Variants in SPTBN1 observed in about 807,000 individuals in gnomAD.
The protein encoded by SPTBN1 is spectrin beta chain, non-erythrocytic 1.
In SPTBN1, 32 loss-of-function variants were observed where a neutral mutation model predicts 266.4. The observed-to-expected ratio is 0.12, with a 90% CI of 0.09 to 0.16. The LOEUF (loss-of-function observed/expected upper bound fraction) is 0.16. Among genes scored for constraint, SPTBN1 ranks in the 10% least tolerant of loss-of-function variants. SPTBN1 has a pLI of 1.00. For synonymous variants in SPTBN1, 1,336 were observed against 1,162.2 expected (o/e 1.15, Z -3.04); for missense variants, 2,296 against 3,067.1 (o/e 0.75, Z 5.94).
At chr2:54,617,522 A>G in intron 5 of SPTBN1, 86 bp from the exon 6 acceptor site, 1 of 1,259,118 alleles carries the variant, frequency 7.9e-7, no homozygotes, top group South Asian at 1.3e-5. Context: ...ATGCTTACAG[A>G]CTTTTTATTA....
chr2:54,583,224 C>G (rs1675067688), intron 2 of SPTBN1, among the ~76,000 whole-genome samples: 1 of 152,180 alleles, frequency 6.6e-6, no homozygotes, highest in South Asian at 2.1e-4. Flanking sequence ...TCCCACAGTG[C>G]TTTGCTTGAT....
In SPTBN1 at chr2:54,628,257, A is replaced by G. The variant is rs753320459; in HGVS notation, c.1798+7A>G. On this transcript the variant is annotated splice_region_variant and intron_variant, in intron 13 of 35. Coordinates refer to ENST00000356805, the MANE Select transcript of SPTBN1 (RefSeq NM_003128.3). This position sits in a 1 kb window ranked among gnomAD's most constrained non-coding sequence, Gnocchi z 4.3. Reference sequence around the variant, plus strand: ...TTCGCAACAGACGGGGAAGGTAAGGATGGCCCATTCCAAGCATTACCTCCG... The same window carrying G: ...TTCGCAACAGACGGGGAAGGTAAGGGTGGCCCATTCCAAGCATTACCTCCG... 2.5e-6 allele frequency: 4 copies of G among 1,609,076 alleles called. No individual in the cohort carries two copies. The highest frequency in any genetic ancestry group is 3.4e-6 in the Non-Finnish European group (4 of 1,177,790).
intron 17 of SPTBN1, among the ~76,000 whole-genome samples, chr2:54,634,858 G>A (rs1005371433): frequency 2.0e-5 from 3 of 152,208 alleles, no homozygotes; most frequent in African/African-American, 7.2e-5. Flanking sequence ...CCTTCAAAGT[G>A]CCTGTGAGTG....
chr2:54,531,004 G>A (rs550529038), intron 2 of SPTBN1, among the ~76,000 whole-genome samples: 1 of 152,206 alleles, frequency 6.6e-6, no homozygotes, highest in African/African-American at 2.4e-5. Flanking sequence ...GGGAGTTGGT[G>A]TAGGTAGGGT....
In SPTBN1 at chr2:54,664,429, G is replaced by T; in HGVS notation, c.6421-24G>T. 1 of 1,600,722 alleles carries T rather than the reference G, an allele frequency of 6.2e-7. No homozygotes were observed. The highest frequency in any genetic ancestry group is 1.1e-5 in the South Asian group (1 of 90,400). On this transcript the variant is annotated intron_variant, in intron 32 of 35. Coordinates refer to ENST00000356805, the MANE Select transcript of SPTBN1 (RefSeq NM_003128.3). This position sits in a 1 kb window ranked among gnomAD's most constrained non-coding sequence, Gnocchi z 5.6. ...ACCCCCATGGCTCACGGAGTTAGCT[G>T]AATGGCCTCTCCGCTGTCCCTAGAT...
chr2:54,650,696 T>C (rs891186145), intron 26 of SPTBN1, among the ~76,000 whole-genome samples: 3 of 152,246 alleles, frequency 2.0e-5, no homozygotes, highest in Non-Finnish European at 2.9e-5. Flanking sequence ...CTTTTTCTGT[T>C]AAAGGCCAAA....
chr2:54,660,469 A>C, intron 32 of SPTBN1: 1 of 994,584 alleles, frequency 1.0e-6, no homozygotes, highest in Non-Finnish European at 1.2e-6. Flanking sequence ...GCCTTTACAG[A>C]TGTTATTAAC....
intron 2 of SPTBN1, among the ~76,000 whole-genome samples, chr2:54,531,086 C>T (rs1374657042): frequency 4.6e-5 from 7 of 152,222 alleles, no homozygotes; most frequent in African/African-American, 1.7e-4. Context: ...TCCATTTGGC[C>T]GTTCCTGAGT....
At chr2:54,469,628 C>T (rs1490553031) in intron 1 of SPTBN1, among the ~76,000 whole-genome samples, 1 of 152,216 alleles carries the variant, frequency 6.6e-6, no homozygotes, top group Admixed American at 6.5e-5. Context: ...TAGGTCTTGA[C>T]ACTTGGGATG....
intron 2 of SPTBN1, among the ~76,000 whole-genome samples, chr2:54,569,975 C>CA (rs932432942): frequency 1.4e-5 from 2 of 148,024 alleles, no homozygotes; most frequent in African/African-American, 2.4e-5. Flanking sequence ...AACCATTCCC[C>CA]CCCCCCTTTA....
At chr2:54,618,305 G>C in intron 7 of SPTBN1, 112 bp downstream of exon 7, 1 of 948,698 alleles carries the variant, frequency 1.1e-6, no homozygotes, top group East Asian at 2.6e-5. Context: ...CAAAGGAAGA[G>C]CTTAATTTTG....
intron 16 of SPTBN1, among the ~76,000 whole-genome samples, chr2:54,632,310 G>A (rs1297607991): frequency 6.6e-6 from 1 of 152,074 alleles, no homozygotes; most frequent in Non-Finnish European, 1.5e-5. Flanking sequence ...CCTTGAGGCT[G>A]ATACACAAAG....
At chr2:54,496,922 A>G (rs1374869656) in intron 1 of SPTBN1, among the ~76,000 whole-genome samples, 1 of 152,258 alleles carries the variant, frequency 6.6e-6, no homozygotes, top group Admixed American at 6.5e-5. Flanking sequence ...ATAGTGAACA[A>G]CTATGTGTCC....
intron 1 of SPTBN1, among the ~76,000 whole-genome samples, chr2:54,479,837 A>G (rs1234072740): frequency 2.0e-5 from 3 of 151,050 alleles, no homozygotes; most frequent in Non-Finnish European, 4.4e-5. Context: ...TATTATCTTT[A>G]TATTATTTCT....
intron 1 of SPTBN1, among the ~76,000 whole-genome samples, chr2:54,495,351 A>C (rs991100299): frequency 7.2e-5 from 11 of 152,134 alleles, no homozygotes; most frequent in Non-Finnish European, 4.4e-5. Context: ...AGGAACCCTT[A>C]TGTGATGCCA....
rs560955133 is a variant in SPTBN1, at chr2:54,635,945, T to G, written c.3768-1768T>G. Among the ~76,000 whole-genome samples, 246 of 152,354 alleles carry G rather than the reference T, an allele frequency of 1.6e-3. 3 individuals are homozygous for G. The South Asian group carries it at 0.035, about 22-fold the overall frequency. ...CCAAATTCACTAACAATCTTTTATTTTTTTAAATTTAATTTTGGTTTCTGA... is the reference window on the plus strand; with the variant it reads ...CCAAATTCACTAACAATCTTTTATTGTTTTAAATTTAATTTTGGTTTCTGA... On this transcript the variant is annotated intron_variant, in intron 17 of 35. Coordinates refer to ENST00000356805, the MANE Select transcript of SPTBN1 (RefSeq NM_003128.3).
At chr2:54,614,955 C>T (rs1347729923) in intron 4 of SPTBN1, among the ~76,000 whole-genome samples, 3 of 152,098 alleles carry the variant, frequency 2.0e-5, no homozygotes, top group Non-Finnish European at 4.4e-5. Flanking sequence ...TATAAGAAAG[C>T]CAATGGGTTA....
At chr2:54,485,673 C>T (rs1573246167) in intron 1 of SPTBN1, among the ~76,000 whole-genome samples, 1 of 151,168 alleles carries the variant, frequency 6.6e-6, no homozygotes, top group East Asian at 2.0e-4. Context: ...TGTGAGGAGC[C>T]CCTCTGCCTG....
chr2:54,666,309 G>GTTA (rs1235696229), intron 34 of SPTBN1, among the ~76,000 whole-genome samples: 2 of 152,330 alleles, frequency 1.3e-5, no homozygotes, highest in African/African-American at 4.8e-5. Flanking sequence ...CAGTACATCT[G>GTTA]AGCATTGAAG....
Sources: gnomAD v4.1 joint callset for allele counts (sites outside exome capture counted in the v4.1 genomes callset) on GRCh38, gnomAD v4.1.1 for gene constraint, Gnocchi (gnomAD v3.1) non-coding constraint, MANE v1.5 for transcripts, NCBI Gene and HGNC (gene_info 2026-07-23, HGNC 2026-07-21) for gene names.